The following NRG1 variants were observed in gnomAD, a reference collection of about 807,000 sequenced individuals.
NRG1 encodes neuregulin 1.
In NRG1, 18 loss-of-function variants were observed where a neutral mutation model predicts 63.8. That is an observed-to-expected ratio of 0.28 (90% CI 0.19 to 0.42). The LOEUF is 0.42. NRG1 is among the 10% of genes least tolerant of loss of function. NRG1 has a pLI of 1.00. For synonymous variants in NRG1, 302 were observed against 301.3 expected, an observed-to-expected ratio of 1.00 and a Z score of -0.02; for missense variants, 762 against 814.7, an observed-to-expected ratio of 0.94 and a Z score of 0.79.
At chr8:32,470,938 T>G (rs1029221689) in intron 1 of NRG1, among the ~76,000 whole-genome samples, 2 of 152,150 alleles carry the variant, frequency 1.3e-5, no homozygotes, top group African/African-American at 4.8e-5. Context: ...GCTGGGACTA[T>G]AGGCGCATGC....
chr8:32,546,053 T>C (rs191440048), upstream of NRG1, among the ~76,000 whole-genome samples: 1 of 152,208 alleles, frequency 6.6e-6, no homozygotes, highest in African/African-American at 2.4e-5. Flanking sequence ...ATCCTGCTTT[T>C]ACGTTTTATC....
At chr8:32,014,985 C>G (rs1284705833) in intron 1 of NRG1, among the ~76,000 whole-genome samples, 1 of 152,074 alleles carries the variant, frequency 6.6e-6, no homozygotes, top group Non-Finnish European at 1.5e-5. Context: ...AGGAGAGAGG[C>G]CTGAACAGAT....
chr8:31,700,660 T>G (rs1267095665), intron 1 of NRG1, among the ~76,000 whole-genome samples: 1 of 152,168 alleles, frequency 6.6e-6, no homozygotes, highest in Admixed American at 6.5e-5. Context: ...GAACCTCGAT[T>G]CTATGCTCAC....
chr8:31,960,725 C>T (rs327405), intron 1 of NRG1, among the ~76,000 whole-genome samples: 11,617 of 152,234 alleles, frequency 0.076, 1,133 homozygotes, highest in African/African-American at 0.23. Flanking sequence ...TGAAACCTTT[C>T]CAGTAAGGGG....
intron 3 of NRG1, among the ~76,000 whole-genome samples, chr8:32,613,226 A>C (rs1277965433): frequency 2.6e-5 from 4 of 152,094 alleles, no homozygotes; most frequent in Non-Finnish European, 4.4e-5. Flanking sequence ...TTGCCCTCCT[A>C]ATCTGTGATT....
At chr8:32,031,371 G>T (rs528484038) in intron 1 of NRG1, among the ~76,000 whole-genome samples, 76 of 152,298 alleles carry the variant, frequency 5.0e-4, no homozygotes, top group African/African-American at 1.5e-3. Context: ...CTGCTGCACA[G>T]TCACTCCAGA....
chr8:31,781,450 G>A (rs17602344), intron 1 of NRG1, among the ~76,000 whole-genome samples: 2,559 of 152,140 alleles, frequency 0.017, 31 homozygotes, highest in Non-Finnish European at 0.025. Context: ...CATTTCCCTC[G>A]TTACCAAAAC....
At chr8:32,399,721 T>G (rs1812924694) in intron 1 of NRG1, among the ~76,000 whole-genome samples, 2 of 152,152 alleles carry the variant, frequency 1.3e-5, no homozygotes, top group African/African-American at 4.8e-5. Flanking sequence ...AAGTTTTGGG[T>G]GAAAAGTAGA....
intron 1 of NRG1, among the ~76,000 whole-genome samples, chr8:31,732,140 G>T (rs1814144974): frequency 1.3e-5 from 2 of 152,146 alleles, no homozygotes; most frequent in African/African-American, 4.8e-5. Flanking sequence ...ACAGCAGGGA[G>T]ACCTTTCTCA....
chr8:31,934,169 T>C (rs4373486), intron 1 of NRG1, among the ~76,000 whole-genome samples: 117,230 of 152,072 alleles, frequency 0.77, 47,047 homozygotes, highest in Non-Finnish European at 0.89. Flanking sequence ...GGCATTAAAA[T>C]TTTAGTAAAC....
chr8:31,691,488 G>A (rs373606348), intron 1 of NRG1, among the ~76,000 whole-genome samples: 12 of 150,800 alleles, frequency 8.0e-5, no homozygotes, highest in East Asian at 4.0e-4. Flanking sequence ...CCAGCTACTC[G>A]GGAGGCTGAG....
intron 1 of NRG1, among the ~76,000 whole-genome samples, chr8:32,338,191 T>C (rs1253094847): frequency 6.6e-6 from 1 of 152,156 alleles, no homozygotes. Context: ...GGAGAGGATA[T>C]GGAGGAGCAT....
At chr8:32,409,687 G>T (rs570995008) in intron 1 of NRG1, among the ~76,000 whole-genome samples, 1 of 152,198 alleles carries the variant, frequency 6.6e-6, no homozygotes, top group Non-Finnish European at 1.5e-5. Flanking sequence ...TACAGTTAAC[G>T]TCATACTTTA....
At chr8:32,431,663 G>T (rs957639681) in intron 1 of NRG1, among the ~76,000 whole-genome samples, 1 of 151,794 alleles carries the variant, frequency 6.6e-6, no homozygotes, top group African/African-American at 2.4e-5. Flanking sequence ...TGCTTATTTT[G>T]TGTTTTCACA....
intron 1 of NRG1, among the ~76,000 whole-genome samples, chr8:31,755,918 A>G (rs1816922647): frequency 6.6e-6 from 1 of 152,134 alleles, no homozygotes; most frequent in African/African-American, 2.4e-5. Flanking sequence ...AAGCTTGTTT[A>G]TGGTGGTTAA....
chr8:31,765,584 T>G (rs1817978813), intron 1 of NRG1, among the ~76,000 whole-genome samples: 1 of 152,232 alleles, frequency 6.6e-6, no homozygotes, highest in African/African-American at 2.4e-5. Context: ...CTGTGTAGTT[T>G]TCCAAACTTG....
chr8:32,036,772 T>A (rs942356675), intron 1 of NRG1, among the ~76,000 whole-genome samples: 1 of 152,226 alleles, frequency 6.6e-6, no homozygotes, highest in African/African-American at 2.4e-5. Flanking sequence ...TTATGTTTTT[T>A]CAGCTCCATC....
At chr8:32,107,084 A>AACG (rs1407773134) in intron 1 of NRG1, among the ~76,000 whole-genome samples, 3 of 151,952 alleles carry the variant, frequency 2.0e-5, no homozygotes, top group East Asian at 3.9e-4. Context: ...CAACAACAAC[A>AACG]AATTAGCCAG....
chr8:32,630,264 T>C (rs898618675), intron 5 of NRG1, among the ~76,000 whole-genome samples: 9 of 152,188 alleles, frequency 5.9e-5, no homozygotes, highest in Non-Finnish European at 7.3e-5. Context: ...AAATCTGCTT[T>C]ATGAACCCAG....
Sources: allele counts gnomAD v4.1 joint callset (sites outside exome capture counted in the v4.1 genomes callset), GRCh38; gene constraint gnomAD v4.1.1; transcripts MANE v1.5; gene names NCBI Gene and HGNC (gene_info 2026-07-23, HGNC 2026-07-21).